The following ADGRL2 variants were observed in gnomAD, a reference collection of about 807,000 sequenced individuals.
ADGRL2 encodes calcium-independent alpha-latrotoxin receptor 2.
A neutral mutation model predicts 157.4 loss-of-function variants in ADGRL2; 44 were observed. That is an observed-to-expected ratio of 0.28 (90% CI 0.22 to 0.36). ADGRL2 has a LOEUF of 0.36. ADGRL2 is among the 10% of genes least tolerant of loss of function. The probability of loss-of-function intolerance (pLI) is 1.00; values close to 1 mark genes in which losing one functional copy is unlikely to be tolerated. For synonymous variants in ADGRL2, 585 were observed against 624.7 expected, an observed-to-expected ratio of 0.94 and a Z score of 0.95; for missense variants, 1,510 against 1,768.9, an observed-to-expected ratio of 0.85 and a Z score of 2.63.
chr1:81,746,196 C>A (rs1369829730), intron 1 of ADGRL2, among the ~76,000 whole-genome samples: 2 of 151,934 alleles, frequency 1.3e-5, no homozygotes, highest in East Asian at 1.9e-4. Flanking sequence ...GTATTATATA[C>A]TAAATTGGTA....
At chr1:81,316,282 C>A (rs530384074) in intron 1 of ADGRL2, among the ~76,000 whole-genome samples, 21 of 152,128 alleles carry the variant, frequency 1.4e-4, no homozygotes, top group Admixed American at 2.6e-4. Flanking sequence ...TTTTGTTAAA[C>A]CTATACTGGA....
chr1:81,677,508 A>G (rs2083021730), intron 3 of ADGRL2, among the ~76,000 whole-genome samples: 1 of 152,230 alleles, frequency 6.6e-6, no homozygotes, highest in African/African-American at 2.4e-5. Context: ...CAACAAAATG[A>G]TAGTAATATT....
chr1:81,337,930 C>A (rs932560522), intron 1 of ADGRL2, among the ~76,000 whole-genome samples: 2 of 152,118 alleles, frequency 1.3e-5, no homozygotes, highest in Admixed American at 6.5e-5. Context: ...GTCTTTAGGT[C>A]AGAAAAATAT....
intron 2 of ADGRL2, among the ~76,000 whole-genome samples, chr1:81,453,484 T>C (rs919346221): frequency 1.1e-4 from 16 of 152,094 alleles, no homozygotes; most frequent in African/African-American, 3.6e-4. Context: ...AGAGTTCTAG[T>C]GGTGGGGAGA....
intron 2 of ADGRL2, among the ~76,000 whole-genome samples, chr1:81,858,756 C>CA (rs2093291319): frequency 6.6e-6 from 1 of 152,044 alleles, no homozygotes; most frequent in Non-Finnish European, 1.5e-5. Context: ...AAATCATTTG[C>CA]AAAATGTAAA....
chr1:81,593,694 G>A (rs959632257), intron 3 of ADGRL2, among the ~76,000 whole-genome samples: 10 of 152,012 alleles, frequency 6.6e-5, no homozygotes, highest in African/African-American at 9.7e-5. Flanking sequence ...AAAAATTCAC[G>A]TCTCTTTCCT....
chr1:81,417,646 T>C (rs2077055131), intron 1 of ADGRL2, among the ~76,000 whole-genome samples: 1 of 152,204 alleles, frequency 6.6e-6, no homozygotes, highest in African/African-American at 2.4e-5. Context: ...GCTCTACTTG[T>C]TGTATTAGGG....
chr1:81,655,790 C>T (rs974495884), intron 3 of ADGRL2, among the ~76,000 whole-genome samples: 2 of 146,236 alleles, frequency 1.4e-5, no homozygotes, highest in Non-Finnish European at 3.0e-5. Context: ...TCCCTCCGCC[C>T]AAATGGACAT....
chr1:81,458,309 A>G (rs1158550872), intron 2 of ADGRL2, among the ~76,000 whole-genome samples: 1 of 152,188 alleles, frequency 6.6e-6, no homozygotes, highest in East Asian at 1.9e-4. Flanking sequence ...TATAGGCATA[A>G]TGTTGTGTGG....
chr1:81,817,259 G>A (rs752120969), intron 1 of ADGRL2, among the ~76,000 whole-genome samples: 1 of 151,072 alleles, frequency 6.6e-6, no homozygotes. Flanking sequence ...AGCTTTAAAG[G>A]TAGGCCTTCC....
intron 3 of ADGRL2, among the ~76,000 whole-genome samples, chr1:81,924,367 T>C (rs1243285758): frequency 6.6e-6 from 1 of 152,140 alleles, no homozygotes; most frequent in East Asian, 1.9e-4. Flanking sequence ...ATGTGAGAAC[T>C]CAGTTCAGAG....
intron 3 of ADGRL2, among the ~76,000 whole-genome samples, chr1:81,684,453 G>A (rs1449781356): frequency 6.6e-6 from 1 of 152,068 alleles, no homozygotes; most frequent in Non-Finnish European, 1.5e-5. Flanking sequence ...GTCTATTCAT[G>A]TCCTTAGCCT....
At chr1:81,514,022 G>C (rs2079127716) in intron 2 of ADGRL2, 1 of 152,126 alleles carries the variant, frequency 6.6e-6, no homozygotes, top group Non-Finnish European at 1.5e-5. Flanking sequence ...ACTGAGGGTT[G>C]GGAAGTAATC....
chr1:81,911,876 ATT>A (rs543340647), intron 3 of ADGRL2, among the ~76,000 whole-genome samples: 35 of 120,658 alleles, frequency 2.9e-4, no homozygotes, highest in Non-Finnish European at 3.5e-4. Flanking sequence ...CCTGCCTCCC[ATT>A]TTTTTTTTTT....
rs895678709 is a variant in ADGRL2, at chr1:81,621,734, G to A, written c.-143+40754G>A. Among the ~76,000 whole-genome samples, 8 of 152,072 alleles carry A rather than the reference G, an allele frequency of 5.3e-5. No homozygotes were observed. The East Asian group carries it at 5.8e-4, about 11-fold the overall frequency. On this transcript the variant is annotated intron_variant, in intron 3 of 24. Transcript: ENST00000370721. ...CTAAACTATGCCTGGATTCTTCATCGGCAGACCTGTGAGATGACAGATGCC... is the reference window on the plus strand; with the variant it reads ...CTAAACTATGCCTGGATTCTTCATCAGCAGACCTGTGAGATGACAGATGCC...
intron 2 of ADGRL2, among the ~76,000 whole-genome samples, chr1:81,851,321 T>C (rs1210343590): frequency 3.3e-5 from 5 of 151,926 alleles, no homozygotes; most frequent in African/African-American, 1.2e-4. Context: ...AATCCATTGA[T>C]GAACCCAGCT....
chr1:81,927,662 C>G (rs1160797702), intron 3 of ADGRL2, among the ~76,000 whole-genome samples: 1 of 151,824 alleles, frequency 6.6e-6, no homozygotes, highest in Non-Finnish European at 1.5e-5. Context: ...GGATTAAATT[C>G]TATATGATGG....
At chr1:81,419,502 C>G (rs1156447901) in intron 1 of ADGRL2, among the ~76,000 whole-genome samples, 2 of 152,184 alleles carry the variant, frequency 1.3e-5, no homozygotes. Context: ...GCCATTGCAC[C>G]TGGCCATTCT....
intron 2 of ADGRL2, among the ~76,000 whole-genome samples, chr1:81,481,012 A>G (rs767226299): frequency 2.6e-4 from 40 of 152,240 alleles, no homozygotes; most frequent in Non-Finnish European, 3.8e-4. Flanking sequence ...GTCGTTATCA[A>G]TAAAACTACT....
Sources: allele counts gnomAD v4.1 joint callset (sites outside exome capture counted in the v4.1 genomes callset), GRCh38; gene constraint gnomAD v4.1.1; transcripts MANE v1.5; gene names NCBI Gene and HGNC (gene_info 2026-07-23, HGNC 2026-07-21).